LRRC4C: variants seen among roughly 807,000 people sequenced by gnomAD.
LRRC4C encodes leucine rich repeat containing 4C, also known as leucine-rich repeat-containing protein 4C.
Under a neutral mutation model 33.6 loss-of-function variants are expected in LRRC4C, and 5 were observed. The observed-to-expected ratio is 0.15, with a 90% CI of 0.08 to 0.31. The LOEUF is 0.31. Among genes scored for constraint, LRRC4C ranks in the 10% least tolerant of loss-of-function variants. The probability of loss-of-function intolerance (pLI) is 1.00; values close to 1 mark genes in which losing one functional copy is unlikely to be tolerated. For missense variants in LRRC4C, 560 were observed against 796.7 expected (o/e 0.70, Z 3.58); for synonymous variants, 329 against 302.0 (o/e 1.09, Z -0.93).
At chr11:41,116,354 A>T (rs2135732631) in intron 1 of LRRC4C, among the ~76,000 whole-genome samples, 1 of 152,292 alleles carries the variant, frequency 6.6e-6, no homozygotes, top group East Asian at 1.9e-4. Context: ...ATAGCATTTA[A>T]CAAAGCCCAA....
intron 1 of LRRC4C, among the ~76,000 whole-genome samples, chr11:41,399,027 T>C (rs1025710448): frequency 1.3e-5 from 2 of 150,114 alleles, no homozygotes; most frequent in Non-Finnish European, 2.9e-5. Flanking sequence ...GAAAATAAGA[T>C]TTACAATACA....
intron 6 of LRRC4C, among the ~76,000 whole-genome samples, chr11:40,138,146 G>A (rs138467224): frequency 4.6e-5 from 7 of 151,418 alleles, no homozygotes; most frequent in East Asian, 1.9e-4. Context: ...TGCTAGCTAC[G>A]TAAATTTGGA....
chr11:40,481,548 G>A (rs1953564856), intron 3 of LRRC4C, among the ~76,000 whole-genome samples: 1 of 152,040 alleles, frequency 6.6e-6, no homozygotes, highest in Non-Finnish European at 1.5e-5. Flanking sequence ...ACAATCTAAT[G>A]AGTGCTCAAA....
At chr11:41,030,166 C>A (rs1339999606) in intron 1 of LRRC4C, among the ~76,000 whole-genome samples, 1 of 151,884 alleles carries the variant, frequency 6.6e-6, no homozygotes, top group Admixed American at 6.6e-5. Context: ...CAATAAGTAA[C>A]TGCTAGCTTG....
intron 2 of LRRC4C, among the ~76,000 whole-genome samples, chr11:40,764,278 T>C (rs548597170): frequency 6.6e-6 from 1 of 152,150 alleles, no homozygotes; most frequent in Admixed American, 6.5e-5. Context: ...CATTTTCTGT[T>C]GACTAAGGAG....
chr11:40,651,966 G>A (rs1389623187), intron 2 of LRRC4C, among the ~76,000 whole-genome samples: 1 of 152,188 alleles, frequency 6.6e-6, no homozygotes, highest in Non-Finnish European at 1.5e-5. Context: ...TTTTGTATCT[G>A]TATGAGAGTT....
chr11:40,270,033 C>G (rs1267448947), intron 4 of LRRC4C, among the ~76,000 whole-genome samples: 4 of 152,148 alleles, frequency 2.6e-5, no homozygotes, highest in Non-Finnish European at 5.9e-5. Flanking sequence ...AATAGCAACA[C>G]TTCTAGGGAA....
intron 1 of LRRC4C, among the ~76,000 whole-genome samples, chr11:41,430,138 T>C (rs1266075237): frequency 6.6e-6 from 1 of 152,166 alleles, no homozygotes; most frequent in East Asian, 1.9e-4. Context: ...ATCTCAATTT[T>C]CAATAAGAGT....
chr11:40,709,069 C>G (rs921823331), intron 2 of LRRC4C, among the ~76,000 whole-genome samples: 1 of 152,046 alleles, frequency 6.6e-6, no homozygotes, highest in African/African-American at 2.4e-5. Flanking sequence ...AGATTTTACT[C>G]TATCCCTTTA....
intron 4 of LRRC4C, among the ~76,000 whole-genome samples, chr11:40,260,574 C>A (rs1846576702): frequency 6.6e-6 from 1 of 151,776 alleles, no homozygotes; most frequent in South Asian, 2.1e-4. Flanking sequence ...AAAAAAAATA[C>A]CCATCCCTCA....
At chr11:41,155,912 A>T (rs1440865622) in intron 1 of LRRC4C, among the ~76,000 whole-genome samples, 2 of 152,120 alleles carry the variant, frequency 1.3e-5, no homozygotes, top group Admixed American at 6.6e-5. Context: ...CATTTCAGGA[A>T]TAAGGCACCA....
intron 1 of LRRC4C, among the ~76,000 whole-genome samples, chr11:41,196,976 G>C (rs1946205210): frequency 1.3e-5 from 2 of 151,966 alleles, no homozygotes; most frequent in Non-Finnish European, 2.9e-5. Flanking sequence ...TATTAAAATG[G>C]ATTTTTATTA....
rs1275564648 is a variant in LRRC4C, at chr11:40,114,917, A to G, written c.1376T>C (p.Val459Ala). The G allele has an allele frequency of 2.5e-6, 4 of 1,614,078 alleles. No homozygotes were observed. In the East Asian group the frequency reaches 6.7e-5, roughly 27 times the overall value. Reference sequence around the variant, plus strand: ...ATCCTGAGACGGTTCCATAGTCTCTACTGTGACGGTTGAAAAGTAAGAGAA... The same window carrying G: ...ATCCTGAGACGGTTCCATAGTCTCTGCTGTGACGGTTGAAAAGTAAGAGAA... ...TPFSYFSTVT[V>A]ETMEPSQDEA... Residue 459 changes from valine (V) to alanine (A), a missense_variant, in exon 7 of 7, where the codon GTA (valine) becomes GCA (alanine). Around this residue, in one of 3 missense-constraint regions of LRRC4C, gnomAD observed 455 missense variants for 643.8 expected, o/e 0.71. Transcript: ENST00000528697.
At chr11:41,435,686 C>T (rs1955401295) in intron 1 of LRRC4C, among the ~76,000 whole-genome samples, 1 of 152,130 alleles carries the variant, frequency 6.6e-6, no homozygotes. Context: ...AAATATTTTT[C>T]CATTCATAGT....
chr11:40,932,512 A>G (rs1957671585), intron 2 of LRRC4C, among the ~76,000 whole-genome samples: 1 of 152,134 alleles, frequency 6.6e-6, no homozygotes, highest in South Asian at 2.1e-4. Context: ...GTTTGGTTTT[A>G]GTCTGCATGG....
intron 1 of LRRC4C, among the ~76,000 whole-genome samples, chr11:41,163,304 A>ATTTTTTTTTTTTTTTTG (rs1565440667): frequency 9.5e-6 from 1 of 105,256 alleles, no homozygotes; most frequent in African/African-American, 3.5e-5. Context: ...TTTTTTTTCA[A>ATTTTTTTTTTTTTTTTG]ACAGGGTCTT....
intron 1 of LRRC4C, among the ~76,000 whole-genome samples, chr11:41,194,792 C>A (rs111553262): frequency 1.3e-5 from 2 of 152,152 alleles, no homozygotes; most frequent in African/African-American, 4.8e-5. Context: ...CCCACAGAAA[C>A]TATAATATCA....
intron 4 of LRRC4C, among the ~76,000 whole-genome samples, chr11:40,276,674 AGTGTGT>A (rs56155922): frequency 0.053 from 6,749 of 127,596 alleles, 158 homozygotes; most frequent in Non-Finnish European, 0.054. Flanking sequence ...GTGGGAAACA[AGTGTGT>A]GTGTGTGTGT....
chr11:41,051,327 T>G (rs1264082256), intron 1 of LRRC4C, among the ~76,000 whole-genome samples: 1 of 152,056 alleles, frequency 6.6e-6, no homozygotes, highest in Non-Finnish European at 1.5e-5. Context: ...ATATCAAGTC[T>G]TTCATACATT....
Sources: gnomAD v4.1 joint callset for allele counts (sites outside exome capture counted in the v4.1 genomes callset) on GRCh38, gnomAD v4.1.1 for gene constraint, gnomAD v4.1.1 regional missense constraint, MANE v1.5 for transcripts, NCBI Gene and HGNC (gene_info 2026-07-23, HGNC 2026-07-21) for gene names.